TMEM232: variants seen among roughly 807,000 people sequenced by gnomAD.
TMEM232 encodes transmembrane protein 232.
TMEM232 carries 80 observed loss-of-function variants against 78.8 expected under a neutral mutation model. The ratio of observed to expected loss-of-function variants is 1.01; its 90% CI spans 0.85 to 1.22. TMEM232 has a LOEUF of 1.22. Among genes scored for constraint, TMEM232 ranks in the 50% most tolerant of loss-of-function variants. The pLI is 0.00. For missense variants in TMEM232, 881 were observed against 742.2 expected, an observed-to-expected ratio of 1.19 and a Z score of -2.17; for synonymous variants, 297 against 254.3, an observed-to-expected ratio of 1.17 and a Z score of -1.60.
intron 2 of TMEM232, among the ~76,000 whole-genome samples, chr5:110,662,316 A>G (rs1010970425): frequency 3.9e-5 from 6 of 152,142 alleles, no homozygotes; most frequent in African/African-American, 1.2e-4. Context: ...GCTGGACAAT[A>G]CCTATATGAA....
At chr5:110,411,444 T>G (rs988601552) in intron 2 of TMEM232, among the ~76,000 whole-genome samples, 1 of 152,204 alleles carries the variant, frequency 6.6e-6, no homozygotes, top group African/African-American at 2.4e-5. Context: ...AAAATATATC[T>G]TATTATTTTT....
intron 11 of TMEM232, among the ~76,000 whole-genome samples, chr5:110,535,840 A>C (rs1240066294): frequency 6.6e-6 from 1 of 152,180 alleles, no homozygotes; most frequent in Non-Finnish European, 1.5e-5. Context: ...GAGAAAGGGA[A>C]CCTAAAGCCG....
intron 2 of TMEM232, among the ~76,000 whole-genome samples, chr5:110,403,702 T>G (rs1755687561): frequency 6.6e-6 from 1 of 152,036 alleles, no homozygotes; most frequent in South Asian, 2.1e-4. Context: ...ATATATATTA[T>G]GATCTCCTAT....
At chr5:110,401,361 G>C (rs1277874223) in intron 2 of TMEM232, among the ~76,000 whole-genome samples, 2 of 150,726 alleles carry the variant, frequency 1.3e-5, no homozygotes, top group Admixed American at 1.3e-4. Flanking sequence ...ATTTTCTTTA[G>C]TCCGTTTCTA....
At chr5:110,415,227 G>A (rs1327501382), downstream of TMEM232, among the ~76,000 whole-genome samples, 8 of 147,084 alleles carry the variant, frequency 5.4e-5, no homozygotes, top group African/African-American at 7.6e-5. Flanking sequence ...TCACCCTGTC[G>A]CCCAGGCCGG....
intron 7 of TMEM232, among the ~76,000 whole-genome samples, chr5:110,624,546 AT>A (rs1458408565): frequency 1.3e-5 from 2 of 152,086 alleles, no homozygotes; most frequent in African/African-American, 4.8e-5. Flanking sequence ...CTGCTAAAAC[AT>A]TTTTTATACT....
chr5:110,597,191 A>G (rs1780276569), intron 10 of TMEM232, among the ~76,000 whole-genome samples: 1 of 152,222 alleles, frequency 6.6e-6, no homozygotes, highest in Admixed American at 6.5e-5. Flanking sequence ...ATCAATGTAC[A>G]AAAATCACAA....
chr5:110,584,595 G>A (rs1031989170), intron 10 of TMEM232, among the ~76,000 whole-genome samples: 4 of 152,072 alleles, frequency 2.6e-5, no homozygotes, highest in Non-Finnish European at 4.4e-5. Context: ...GTCTCTAGAT[G>A]CAGGATTCAT....
intron 8 of TMEM232, among the ~76,000 whole-genome samples, chr5:110,609,902 T>G (rs1781978202): frequency 6.6e-6 from 1 of 152,052 alleles, no homozygotes; most frequent in Non-Finnish European, 1.5e-5. Flanking sequence ...GTCTCAGTAC[T>G]CAGAGAGGGT....
At chr5:110,424,470 G>A (rs150479291) in intron 13 of TMEM232, among the ~76,000 whole-genome samples, 188 of 152,176 alleles carry the variant, frequency 1.2e-3, no homozygotes, top group African/African-American at 4.4e-3. Context: ...GGTAAAGAAC[G>A]GTCACTGAAA....
chr5:110,413,297 G>A (rs1259106404), intron 2 of TMEM232, among the ~76,000 whole-genome samples: 1 of 152,070 alleles, frequency 6.6e-6, no homozygotes, highest in Non-Finnish European at 1.5e-5. Flanking sequence ...TTAGCTTTTG[G>A]ACTCCTGGAC....
chr5:110,650,057 T>A (rs1788081683), intron 2 of TMEM232, among the ~76,000 whole-genome samples: 1 of 152,118 alleles, frequency 6.6e-6, no homozygotes, highest in African/African-American at 2.4e-5. Flanking sequence ...ACATGCTAAA[T>A]ATTTAATTAA....
chr5:110,531,738 T>C (rs1771515461), intron 11 of TMEM232, among the ~76,000 whole-genome samples: 1 of 152,142 alleles, frequency 6.6e-6, no homozygotes, highest in African/African-American at 2.4e-5. Context: ...CCAAATCAGA[T>C]AGCGTTTAGG....
At chr5:110,708,787 C>A (rs2150305449) in intron 1 of TMEM232, among the ~76,000 whole-genome samples, 1 of 151,748 alleles carries the variant, frequency 6.6e-6, no homozygotes, top group Middle Eastern at 3.4e-3. Flanking sequence ...AACAATTTCA[C>A]TTAAATAAAT....
chr5:110,528,682 G>A lies in TMEM232; in HGVS notation c.1609C>T (p.Pro537Ser). ...FFPPIEAHFL[P>S]LKKPSIKKDQ... is the part of the protein sequence containing the mutation. ...TTTTTTATTGATGGTTTCTTCAAAG[G>A]AAGAAAATGGGCCTCAATGGGGGGA... is the stretch of plus-strand genomic sequence containing the variant. The change falls in exon 12 of 14, where the codon CCT (proline) becomes TCT (serine). Residue 537 changes from proline to serine, a missense_variant. Physicochemically the swap from Pro to Ser is moderately conservative, Grantham distance 74 (BLOSUM62 -1). Coordinates refer to ENST00000455884, the MANE Select transcript of TMEM232 (RefSeq NM_001039763.4). The A allele has an allele frequency of 1.3e-6, 2 of 1,535,128 alleles. No homozygotes were observed. Among genetic ancestry groups the A allele is most frequent in the Non-Finnish European group, 1.7e-6 (2 of 1,146,446 alleles).
intron 12 of TMEM232, among the ~76,000 whole-genome samples, chr5:110,499,358 C>A (rs747955188): frequency 6.6e-6 from 1 of 152,076 alleles, no homozygotes; most frequent in Non-Finnish European, 1.5e-5. Flanking sequence ...GAGGCCTGAT[C>A]CTCACACCTG....
In TMEM232 at chr5:110,622,481, G is replaced by C. The variant is rs142131870; in HGVS notation, c.768+2786C>G. Among the ~76,000 whole-genome samples the C allele has an allele frequency of 8.3e-3, 1,271 of 152,238 alleles. 14 individuals carry two copies. Among genetic ancestry groups the C allele is most frequent in the African/African-American group, 0.029 (1,200 of 41,548 alleles). ...CTTGCGATAGTTTACTGAGAATGATGATTTCCAATTTCATCCATGTCCCTA... is the reference window on the plus strand; with the variant it reads ...CTTGCGATAGTTTACTGAGAATGATCATTTCCAATTTCATCCATGTCCCTA... On this transcript the variant is annotated intron_variant, in intron 7 of 13. Transcript: ENST00000455884.
At chr5:110,430,863 T>A (rs1283664708) in intron 12 of TMEM232, among the ~76,000 whole-genome samples, 1 of 151,756 alleles carries the variant, frequency 6.6e-6, no homozygotes, top group Non-Finnish European at 1.5e-5. Flanking sequence ...TTAAAAGCAT[T>A]CATGATACAT....
intron 1 of TMEM232, among the ~76,000 whole-genome samples, chr5:110,669,009 G>T (rs1790990525): frequency 6.6e-6 from 1 of 152,094 alleles, no homozygotes; most frequent in African/African-American, 2.4e-5. Context: ...AGCACTAAAT[G>T]CCCACAAGAG....
Sources: gnomAD v4.1 joint callset for allele counts (sites outside exome capture counted in the v4.1 genomes callset) on GRCh38, gnomAD v4.1.1 for gene constraint, MANE v1.5 for transcripts, NCBI Gene and HGNC (gene_info 2026-07-23, HGNC 2026-07-21) for gene names.